Variants in PDE7B observed in about 807,000 individuals in gnomAD.
PDE7B encodes the protein 3',5'-cyclic-AMP phosphodiesterase 7B.
PDE7B carries 29 observed loss-of-function variants against 56.2 expected under a neutral mutation model. That is an observed-to-expected ratio of 0.52 (90% confidence interval 0.38 to 0.70). PDE7B has a LOEUF of 0.70. PDE7B is among the 30% of genes least tolerant of loss of function. PDE7B has a pLI of 0.00. For missense variants in PDE7B, 490 were observed against 565.0 expected, an observed-to-expected ratio of 0.87 and a Z score of 1.35; for synonymous variants, 197 against 196.9, an observed-to-expected ratio of 1.00 and a Z score of 0.00.
chr6:135,867,135 A>G (rs1775276265), intron 1 of PDE7B, among the ~76,000 whole-genome samples: 1 of 152,180 alleles, frequency 6.6e-6, no homozygotes, highest in Admixed American at 6.5e-5. Flanking sequence ...GAGCAATTTG[A>G]GCAATTTACA....
intron 8 of PDE7B, among the ~76,000 whole-genome samples, chr6:136,167,234 ATCCAACTCTT>A (rs750068994): frequency 4.6e-5 from 7 of 152,134 alleles, no homozygotes; most frequent in Non-Finnish European, 1.0e-4. Flanking sequence ...CTAACATGCT[ATCCAACTCTT>A]TCCAGCATGA....
chr6:136,178,464 G>A (rs1009257274), intron 9 of PDE7B, among the ~76,000 whole-genome samples: 7 of 152,062 alleles, frequency 4.6e-5, no homozygotes, highest in Admixed American at 2.6e-4. Context: ...TTGCCCACTG[G>A]TTTGTAACAG....
At chr6:135,945,633 C>T (rs1235631712) in intron 1 of PDE7B, among the ~76,000 whole-genome samples, 2 of 152,062 alleles carry the variant, frequency 1.3e-5, no homozygotes, top group African/African-American at 4.8e-5. Flanking sequence ...GAATTTTTTC[C>T]CCTTAAATTT....
At chr6:135,893,031 A>G (rs1248070247) in intron 1 of PDE7B, among the ~76,000 whole-genome samples, 1 of 151,874 alleles carries the variant, frequency 6.6e-6, no homozygotes, top group Non-Finnish European at 1.5e-5. Context: ...CTTCTTTTAG[A>G]TTTCTACCAA....
chr6:136,066,853 T>A (rs6570061), intron 2 of PDE7B, among the ~76,000 whole-genome samples: 60,813 of 140,216 alleles, frequency 0.43, 12,302 homozygotes, highest in South Asian at 0.51. Flanking sequence ...AACCATAACC[T>A]TTTTTTTTTT....
At chr6:136,007,584 G>A (rs777207217) in intron 2 of PDE7B, among the ~76,000 whole-genome samples, 1 of 151,498 alleles carries the variant, frequency 6.6e-6, no homozygotes, top group Non-Finnish European at 1.5e-5. Context: ...TAGCTGACAA[G>A]TCTGTGTGGA....
In PDE7B at chr6:136,145,590, A is replaced by T. The variant is rs183559084; in HGVS notation, c.167-1761A>T. Among the ~76,000 whole-genome samples the T allele has an allele frequency of 3.0e-4, 46 of 152,272 alleles. No individual in the cohort carries two copies. In the East Asian group the frequency reaches 6.4e-3, roughly 21 times the overall value. On this transcript the variant is annotated intron_variant, in intron 3 of 12. Coordinates refer to ENST00000308191, the MANE Select transcript of PDE7B (RefSeq NM_018945.4). ...AATACAATGTGCTCAAGTACTGTGAATAGTTCATGGCCAACTCTCAGTCTT... is the reference window on the plus strand; with the variant it reads ...AATACAATGTGCTCAAGTACTGTGATTAGTTCATGGCCAACTCTCAGTCTT...
intron 1 of PDE7B, among the ~76,000 whole-genome samples, chr6:135,874,748 G>C (rs986208597): frequency 3.9e-5 from 6 of 152,156 alleles, no homozygotes; most frequent in South Asian, 4.1e-4. Flanking sequence ...CTTGTTAACT[G>C]TGTTGTCAAA....
At chr6:136,043,973 T>C (rs939260930) in intron 2 of PDE7B, 2 of 152,196 alleles carry the variant, frequency 1.3e-5, no homozygotes, top group East Asian at 3.9e-4. Flanking sequence ...TTGTCATTAT[T>C]GCCCTCTGAG....
rs541876738 is a variant in PDE7B at position 136,075,429 on chromosome 6, T to A, written c.83-33302T>A. 3.3e-5 allele frequency among the ~76,000 whole-genome samples: 5 copies of A among 152,308 alleles called. 1 individual carries two copies. In the South Asian group the frequency reaches 1.0e-3, roughly 32 times the overall value. ...TTCTCTTTGTACGTAATGAATGAGA[T>A]GTTGTAGAAATAGCACAATCGCTGG... On this transcript the variant is annotated intron_variant, in intron 2 of 12. Coordinates refer to ENST00000308191, the MANE Select transcript of PDE7B (RefSeq NM_018945.4).
chr6:136,124,331 A>C (rs1338476093), intron 3 of PDE7B, among the ~76,000 whole-genome samples: 1 of 152,228 alleles, frequency 6.6e-6, no homozygotes, highest in East Asian at 1.9e-4. Flanking sequence ...TGACAGCAAT[A>C]AAAATTTTAA....
At chr6:135,899,291 A>C (rs1775956956) in intron 1 of PDE7B, among the ~76,000 whole-genome samples, 1 of 152,024 alleles carries the variant, frequency 6.6e-6, no homozygotes, top group Non-Finnish European at 1.5e-5. Context: ...TCATCTTAAT[A>C]ATAATAAGAC....
intron 3 of PDE7B, chr6:136,111,124 T>C (rs1282151439): frequency 6.6e-6 from 1 of 152,174 alleles, no homozygotes; most frequent in Non-Finnish European, 1.5e-5. Context: ...GCAGATGCAA[T>C]ATTAATTTTC....
intron 1 of PDE7B, among the ~76,000 whole-genome samples, chr6:135,926,354 T>TG (rs1455875466): frequency 6.6e-6 from 1 of 152,256 alleles, no homozygotes; most frequent in East Asian, 1.9e-4. Flanking sequence ...CCCAAAGTGC[T>TG]GGGATTACAG....
At chr6:135,876,851 T>A (rs919421895) in intron 1 of PDE7B, among the ~76,000 whole-genome samples, 2 of 146,776 alleles carry the variant, frequency 1.4e-5, no homozygotes, top group African/African-American at 5.5e-5. Context: ...AGTGAGAGAC[T>A]CTGTGTCAAA....
At chr6:135,892,844 A>G (rs561528294) in intron 1 of PDE7B, among the ~76,000 whole-genome samples, 1 of 152,256 alleles carries the variant, frequency 6.6e-6, no homozygotes, top group Non-Finnish European at 1.5e-5. Flanking sequence ...TTTACAGTGT[A>G]TTTGCAATGG....
chr6:136,031,874 C>T (rs1776252957), intron 2 of PDE7B, among the ~76,000 whole-genome samples: 2 of 152,078 alleles, frequency 1.3e-5, no homozygotes, highest in Non-Finnish European at 2.9e-5. Flanking sequence ...GAGGAAAGAA[C>T]CCTCACTCAG....
chr6:135,978,545 A>G (rs1378614785), intron 2 of PDE7B, among the ~76,000 whole-genome samples: 2 of 151,992 alleles, frequency 1.3e-5, no homozygotes, highest in East Asian at 1.9e-4. Flanking sequence ...TGAACTTATT[A>G]CTCTTTTATA....
At chr6:136,008,275 A>G (rs9376171) in intron 2 of PDE7B, among the ~76,000 whole-genome samples, 48,955 of 151,692 alleles carry the variant, frequency 0.32, 8,766 homozygotes, top group Admixed American at 0.44. Context: ...GCTATTGTGA[A>G]TAGTGCCGCA....
Sources: gnomAD v4.1 joint callset for allele counts (sites outside exome capture counted in the v4.1 genomes callset) on GRCh38, gnomAD v4.1.1 for gene constraint, MANE v1.5 for transcripts, NCBI Gene and HGNC (gene_info 2026-07-23, HGNC 2026-07-21) for gene names.